The following SND1 variants were observed in gnomAD, a reference collection of about 807,000 sequenced individuals.
SND1 encodes the protein staphylococcal nuclease and tudor domain containing 1, also known as staphylococcal nuclease domain-containing protein 1.
SND1 carries 38 observed loss-of-function variants against 121.7 expected under a neutral mutation model. The ratio of observed to expected loss-of-function variants is 0.31; its 90% CI spans 0.24 to 0.41. The LOEUF is 0.41. Among genes scored for constraint, SND1 ranks in the 10% least tolerant of loss-of-function variants. SND1 has a pLI of 1.00. For synonymous variants in SND1, 401 were observed against 447.4 expected (o/e 0.90, Z 1.31); for missense variants, 868 against 1,184.6 (o/e 0.73, Z 3.92).
In SND1 at chr7:127,690,804, T is replaced by C. The variant is rs556299698; in HGVS notation, c.229-4024T>C. Among the ~76,000 whole-genome samples, 3 of 152,376 alleles carry C rather than the reference T, an allele frequency of 2.0e-5. No homozygotes were observed. The South Asian group carries it at 6.2e-4, about 32-fold the overall frequency. On this transcript the variant is annotated intron_variant, in intron 2 of 23. Transcript: ENST00000354725. ...ATTTCTTTGGAGCATGTTTAGCTTT[T>C]TCACATTCAGGAATAATCAAGGACC...
intron 10 of SND1, among the ~76,000 whole-genome samples, chr7:127,766,837 C>T (rs924597455): frequency 7.0e-6 from 1 of 143,410 alleles, no homozygotes; most frequent in Non-Finnish European, 1.5e-5. Flanking sequence ...CCCAGAATTG[C>T]TATTGCCAAA....
intron 15 of SND1, among the ~76,000 whole-genome samples, chr7:127,931,562 A>G (rs963834106): frequency 5.3e-5 from 8 of 152,246 alleles, no homozygotes; most frequent in Non-Finnish European, 8.8e-5. Flanking sequence ...GAAGGTGGCT[A>G]CACCAAACAC....
At chr7:127,696,190 A>G (rs754798682) in intron 3 of SND1, among the ~76,000 whole-genome samples, 1 of 152,238 alleles carries the variant, frequency 6.6e-6, no homozygotes, top group Non-Finnish European at 1.5e-5. Flanking sequence ...GCAATAAGCA[A>G]GCAGGGTAGA....
chr7:128,083,848 A>T (rs1324453643), intron 18 of SND1, among the ~76,000 whole-genome samples: 1 of 152,170 alleles, frequency 6.6e-6, no homozygotes, highest in Admixed American at 6.5e-5. Context: ...GAAGGGACTG[A>T]TGCCTCCCAG....
At chr7:127,998,755 A>C (rs1435997793) in intron 16 of SND1, 1 of 152,254 alleles carries the variant, frequency 6.6e-6, no homozygotes, top group Non-Finnish European at 1.5e-5. Context: ...GAAATGTACC[A>C]TGGGGGACGT....
chr7:127,993,769 G>A (rs570923488), intron 16 of SND1, among the ~76,000 whole-genome samples: 59 of 152,228 alleles, frequency 3.9e-4, no homozygotes, highest in African/African-American at 1.3e-3. Flanking sequence ...GCCTTCCTCG[G>A]TTACCATAAA....
intron 16 of SND1, among the ~76,000 whole-genome samples, chr7:128,045,219 G>C (rs994862182): frequency 5.9e-5 from 9 of 152,214 alleles, no homozygotes; most frequent in Non-Finnish European, 1.2e-4. Flanking sequence ...TGGGCTGCCT[G>C]TTCCCTCTTT....
At chr7:127,815,776 T>C (rs950510207) in intron 11 of SND1, among the ~76,000 whole-genome samples, 7 of 152,158 alleles carry the variant, frequency 4.6e-5, no homozygotes, top group African/African-American at 1.2e-4. Context: ...TACTTTGTTA[T>C]GGCAGCCCTA....
At position 127,652,466 on chromosome 7, in the gene SND1, C is replaced by G; in HGVS notation, c.78+15C>G. 2 of 1,556,714 alleles carry G rather than the reference C, an allele frequency of 1.3e-6. No individual in the cohort carries two copies. Among genetic ancestry groups the G allele is most frequent in the Non-Finnish European group, 1.7e-6 (2 of 1,149,052 alleles). On this transcript the variant is annotated intron_variant, in intron 1 of 23. Transcript: ENST00000354725. Reference sequence around the variant, plus strand: ...TCATCAAGATGGTGAGAACGGGCCCCGGACACCGACCCCTCTGCCTGCCTT... The same window carrying G: ...TCATCAAGATGGTGAGAACGGGCCCGGGACACCGACCCCTCTGCCTGCCTT...
chr7:128,008,348 C>T (rs1223399270), intron 16 of SND1, among the ~76,000 whole-genome samples: 2 of 152,152 alleles, frequency 1.3e-5, no homozygotes, highest in African/African-American at 4.8e-5. Context: ...CCATCGCTTT[C>T]CCTGATATGT....
chr7:127,905,762 G>A (rs1053969645), intron 14 of SND1, among the ~76,000 whole-genome samples: 5 of 152,166 alleles, frequency 3.3e-5, no homozygotes, highest in Non-Finnish European at 7.4e-5. Flanking sequence ...TCAGGTCTGT[G>A]CCATGCATAG....
intron 10 of SND1, 39 bp downstream of exon 10, chr7:127,721,439 CA>C (rs746995043): frequency 6.7e-6 from 8 of 1,191,274 alleles, no homozygotes; most frequent in South Asian, 6.1e-5. Context: ...TTGCATAAAC[CA>C]AAAGGAAGAA....
intron 1 of SND1, among the ~76,000 whole-genome samples, chr7:127,679,890 A>G (rs1206154724): frequency 6.6e-6 from 1 of 152,190 alleles, no homozygotes; most frequent in East Asian, 1.9e-4. Flanking sequence ...ATGATGTTGC[A>G]ATGAGCATTG....
Position 127,680,194 on chromosome 7 carries a change from C to T in SND1, c.79-6419C>T, listed in dbSNP as rs541825133. Among the ~76,000 whole-genome samples the T allele has an allele frequency of 1.1e-4, 17 of 152,154 alleles. No individual in the cohort carries two copies. The South Asian group carries it at 2.7e-3, about 24-fold the overall frequency. ...AATAGGGTGTGGGTCACAGAGATCACGTACTTCACAAGGTAATAGACTATC... is the reference window on the plus strand; with the variant it reads ...AATAGGGTGTGGGTCACAGAGATCATGTACTTCACAAGGTAATAGACTATC... On this transcript the variant is annotated intron_variant, in intron 1 of 23. Transcript: ENST00000354725.
At chr7:128,079,408 G>A (rs1451159238) in intron 17 of SND1, among the ~76,000 whole-genome samples, 2 of 152,264 alleles carry the variant, frequency 1.3e-5, no homozygotes, top group Admixed American at 6.5e-5. Context: ...GGGCTTAGGG[G>A]ACTAGAAGCA....
At chr7:127,770,657 G>A (rs62481385) in intron 10 of SND1, among the ~76,000 whole-genome samples, 43,136 of 151,880 alleles carry the variant, frequency 0.28, 7,681 homozygotes, top group East Asian at 0.7. Flanking sequence ...TAACCACTAT[G>A]CCTTACTCTT....
intron 15 of SND1, among the ~76,000 whole-genome samples, chr7:127,987,717 G>T (rs1325403653): frequency 6.7e-6 from 1 of 149,470 alleles, no homozygotes; most frequent in Non-Finnish European, 1.5e-5. Flanking sequence ...CTGGGTATTT[G>T]TCCCACTAGA....
In SND1 at chr7:128,089,119, A is replaced by T. The variant is rs1793733287; in HGVS notation, c.2419-370A>T. Among the ~76,000 whole-genome samples, 5 of 152,032 alleles carry T rather than the reference A, an allele frequency of 3.3e-5. No individual in the cohort carries two copies. The South Asian group carries it at 1.0e-3, about 32-fold the overall frequency. ...ACCCAGGCAGGAGTGCAGTGGCGCA[A>T]TATTGGCTCACTGCAGCCTCCGCCT... On this transcript the variant is annotated intron_variant, in intron 21 of 23. Transcript: ENST00000354725.
At chr7:127,716,706 T>G (rs1796397385) in intron 9 of SND1, among the ~76,000 whole-genome samples, 1 of 152,242 alleles carries the variant, frequency 6.6e-6, no homozygotes, top group Non-Finnish European at 1.5e-5. Context: ...TGAACTTCTT[T>G]GGCTAAGACT....
Sources: allele counts gnomAD v4.1 joint callset (sites outside exome capture counted in the v4.1 genomes callset), GRCh38; gene constraint gnomAD v4.1.1; transcripts MANE v1.5; gene names NCBI Gene and HGNC (gene_info 2026-07-23, HGNC 2026-07-21).